NAV3: variants seen among roughly 807,000 people sequenced by gnomAD.
NAV3 encodes neuron navigator 3.
Under a neutral mutation model 244.7 loss-of-function variants are expected in NAV3, and 87 were observed. That is an observed-to-expected ratio of 0.36 (90% CI 0.30 to 0.42). The LOEUF (loss-of-function observed/expected upper bound fraction) is 0.42. Ranked by LOEUF, NAV3 falls within the 20% of genes least tolerant of loss-of-function variation. The pLI is 1.00. For missense variants in NAV3, 2,663 were observed against 2,893.3 expected (o/e 0.92, Z 1.83); for synonymous variants, 1,126 against 1,042.2 (o/e 1.08, Z -1.55).
chr12:77,889,894 G>A (rs5003666), intron 1 of NAV3, among the ~76,000 whole-genome samples: 135,538 of 152,106 alleles, frequency 0.89, 60,455 homozygotes, highest in East Asian at 1. Context: ...TAGATCAGCC[G>A]TTATAAGTTT....
chr12:77,779,203 T>C (rs1238669434), intron 2 of NAV3, among the ~76,000 whole-genome samples: 1 of 152,204 alleles, frequency 6.6e-6, no homozygotes, highest in Non-Finnish European at 1.5e-5. Context: ...GGATTTGAAA[T>C]TTTGTAACAA....
At chr12:78,003,711 A>G (rs976774093) in intron 7 of NAV3, among the ~76,000 whole-genome samples, 34 of 152,202 alleles carry the variant, frequency 2.2e-4, no homozygotes, top group African/African-American at 7.5e-4. Context: ...CCATGTATTA[A>G]TTTTAGAACT....
chr12:77,796,260 T>G (rs1871403284), intron 2 of NAV3, among the ~76,000 whole-genome samples: 1 of 152,170 alleles, frequency 6.6e-6, no homozygotes, highest in Non-Finnish European at 1.5e-5. Flanking sequence ...ATTTCAATCC[T>G]TACAGATGAC....
intron 3 of NAV3, among the ~76,000 whole-genome samples, chr12:77,948,884 AAG>A (rs948789953): frequency 1.1e-4 from 16 of 151,974 alleles, no homozygotes; most frequent in African/African-American, 1.7e-4. Flanking sequence ...AATAAGAAAA[AAG>A]AGTAAATAAA....
At chr12:77,877,952 CA>C (rs759859312) in intron 1 of NAV3, among the ~76,000 whole-genome samples, 2 of 152,008 alleles carry the variant, frequency 1.3e-5, no homozygotes, top group Non-Finnish European at 2.9e-5. Flanking sequence ...GTCTTTTTCC[CA>C]AAAGCTTATA....
chr12:78,075,236 A>T (rs1235604555), intron 12 of NAV3, among the ~76,000 whole-genome samples: 1 of 152,220 alleles, frequency 6.6e-6, no homozygotes, highest in Non-Finnish European at 1.5e-5. Flanking sequence ...AATCATAAAA[A>T]GGGGATTTAG....
chr12:77,744,727 A>G (rs1203823271), intron 2 of NAV3, among the ~76,000 whole-genome samples: 1 of 151,878 alleles, frequency 6.6e-6, no homozygotes, highest in East Asian at 1.9e-4. Flanking sequence ...AATGTTCTAG[A>G]TAGGTTCTTT....
rs866009840 is a variant in NAV3 at position 77,960,448 on chromosome 12, T to C, written c.415-5781T>C. Reference sequence around the variant, plus strand: ...CATTCTGGCCAGTCATATATATATATATACACACACACACACACACACATA... The same window carrying C: ...CATTCTGGCCAGTCATATATATATACATACACACACACACACACACACATA... On this transcript the variant is annotated intron_variant, in intron 3 of 39. Coordinates refer to ENST00000397909, the MANE Select transcript of NAV3 (RefSeq NM_001024383.2). Among the ~76,000 whole-genome samples, 148 of 86,782 alleles carry C rather than the reference T, an allele frequency of 1.7e-3. 1 individual carries two copies. Among genetic ancestry groups the C allele is most frequent in the Admixed American group, 1.9e-3 (15 of 7,848 alleles). The allele number at this position is 86,782 out of a possible 152,430, so 56.9% of individuals were successfully genotyped here.
chr12:77,927,784 A>G (rs1888357375), intron 1 of NAV3, among the ~76,000 whole-genome samples: 1 of 152,170 alleles, frequency 6.6e-6, no homozygotes, highest in Non-Finnish European at 1.5e-5. Context: ...TTTGTAGAAG[A>G]AAAGATCATT....
intron 12 of NAV3, among the ~76,000 whole-genome samples, chr12:78,074,175 A>G (rs1295760554): frequency 6.6e-6 from 1 of 152,218 alleles, no homozygotes; most frequent in Non-Finnish European, 1.5e-5. Context: ...AGTTTATACT[A>G]CAGGAATCCC....
chr12:77,758,593 C>T (rs1487373431), intron 2 of NAV3, among the ~76,000 whole-genome samples: 6 of 152,122 alleles, frequency 3.9e-5, no homozygotes, highest in South Asian at 4.1e-4. Flanking sequence ...ACCAGTTATA[C>T]GCAGTCTAAA....
chr12:78,004,041 A>G (rs61936182), intron 7 of NAV3, among the ~76,000 whole-genome samples: 227 of 152,348 alleles, frequency 1.5e-3, no homozygotes, highest in Non-Finnish European at 2.3e-3. Context: ...TGCAGTAAAC[A>G]TGTGGAAAGA....
At chr12:77,769,978 G>A (rs1164985257) in intron 2 of NAV3, among the ~76,000 whole-genome samples, 1 of 151,980 alleles carries the variant, frequency 6.6e-6, no homozygotes, top group African/African-American at 2.4e-5. Flanking sequence ...TAAATTTATA[G>A]GTCAGACATT....
At chr12:78,002,569 C>T (rs907644644) in intron 7 of NAV3, among the ~76,000 whole-genome samples, 7 of 152,118 alleles carry the variant, frequency 4.6e-5, no homozygotes, top group Non-Finnish European at 7.4e-5. Flanking sequence ...TCAGCTAAAA[C>T]ATAGATGTCT....
chr12:77,656,536 T>A (rs1463084369), intron 2 of NAV3, among the ~76,000 whole-genome samples: 2 of 121,016 alleles, frequency 1.7e-5, no homozygotes, highest in Non-Finnish European at 3.3e-5. Flanking sequence ...ACTGTCAACA[T>A]TAGACAGATC....
At chr12:77,943,946 T>C (rs1890099301) in intron 3 of NAV3, among the ~76,000 whole-genome samples, 1 of 152,226 alleles carries the variant, frequency 6.6e-6, no homozygotes, top group Admixed American at 6.5e-5. Context: ...TACAATGTAT[T>C]GATAAATTTC....
intron 2 of NAV3, among the ~76,000 whole-genome samples, chr12:77,587,837 T>G (rs1192971929): frequency 6.6e-6 from 1 of 152,282 alleles, no homozygotes; most frequent in East Asian, 1.9e-4. Flanking sequence ...AATGAAAACC[T>G]TAGAGATTAC....
intron 9 of NAV3, among the ~76,000 whole-genome samples, chr12:78,039,387 C>T (rs778550659): frequency 8.6e-5 from 13 of 152,024 alleles, no homozygotes; most frequent in Non-Finnish European, 1.5e-4. Context: ...GTCCTATAAC[C>T]GTATAGGAGC....
intron 2 of NAV3, among the ~76,000 whole-genome samples, chr12:77,727,070 G>T (rs1876910807): frequency 2.0e-5 from 3 of 151,982 alleles, no homozygotes; most frequent in Admixed American, 2.0e-4. Context: ...GACATGAGGA[G>T]GTGGGGACCA....
Sources: allele counts gnomAD v4.1 joint callset (sites outside exome capture counted in the v4.1 genomes callset), GRCh38; gene constraint gnomAD v4.1.1; transcripts MANE v1.5; gene names NCBI Gene and HGNC (gene_info 2026-07-23, HGNC 2026-07-21).